Variants in PSMA1 observed in about 807,000 individuals in gnomAD.
PSMA1 encodes the protein proteasome subunit alpha type-1.
In PSMA1, 3 loss-of-function variants were observed where a neutral mutation model predicts 38.4. That is an observed-to-expected ratio of 0.08 (90% CI 0.04 to 0.20). The LOEUF (loss-of-function observed/expected upper bound fraction) is 0.20, where lower values mean the gene tolerates loss of function less well. PSMA1 is among the 10% of genes least tolerant of loss of function. The probability of loss-of-function intolerance (pLI) is 1.00; values close to 1 mark genes in which losing one functional copy is unlikely to be tolerated. For missense variants in PSMA1, 227 were observed against 325.3 expected, an observed-to-expected ratio of 0.70 and a Z score of 2.32; for synonymous variants, 101 against 107.1, an observed-to-expected ratio of 0.94 and a Z score of 0.35.
chr11:14,579,634 A>G (rs1438695097), intron 2 of PSMA1, among the ~76,000 whole-genome samples: 1 of 152,088 alleles, frequency 6.6e-6, no homozygotes, highest in Non-Finnish European at 1.5e-5. Flanking sequence ...TAGTATTTTA[A>G]TAACAACTAA....
At chr11:14,545,414 C>A (rs188746199) in intron 2 of PSMA1, among the ~76,000 whole-genome samples, 1 of 152,206 alleles carries the variant, frequency 6.6e-6, no homozygotes, top group Non-Finnish European at 1.5e-5. Flanking sequence ...AACCCATCAC[C>A]TAGGTACTAA....
At chr11:14,561,399 T>A (rs1852006462) in intron 2 of PSMA1, among the ~76,000 whole-genome samples, 2 of 152,220 alleles carry the variant, frequency 1.3e-5, no homozygotes, top group South Asian at 4.1e-4. Context: ...AACTCTCCTA[T>A]CCCAGTCTGT....
intron 1 of PSMA1, among the ~76,000 whole-genome samples, chr11:14,639,081 T>C (rs1267125761): frequency 6.6e-6 from 1 of 152,122 alleles, no homozygotes; most frequent in African/African-American, 2.4e-5. Flanking sequence ...CTCTGAAAAC[T>C]TGAAACGGAA....
chr11:14,640,949 T>C (rs1335153291), intron 1 of PSMA1, among the ~76,000 whole-genome samples: 1 of 152,100 alleles, frequency 6.6e-6, no homozygotes, highest in East Asian at 1.9e-4. Flanking sequence ...GCTTGCATTG[T>C]CCTAAAATGA....
At chr11:14,592,997 C>T (rs985088453) in intron 2 of PSMA1, among the ~76,000 whole-genome samples, 2 of 152,158 alleles carry the variant, frequency 1.3e-5, no homozygotes, top group African/African-American at 4.8e-5. Flanking sequence ...TTGTCTTCCT[C>T]CTCCCTCCTC....
intron 2 of PSMA1, among the ~76,000 whole-genome samples, chr11:14,567,367 A>T (rs903840380): frequency 6.6e-6 from 1 of 152,212 alleles, no homozygotes; most frequent in Non-Finnish European, 1.5e-5. Context: ...ATATCTACTT[A>T]TCTCTCAGAT....
chr11:14,625,842 C>G (rs547429785), intron 1 of PSMA1, among the ~76,000 whole-genome samples: 1 of 152,170 alleles, frequency 6.6e-6, no homozygotes, highest in African/African-American at 2.4e-5. Context: ...GTCACTTGCA[C>G]GTCTAATTCT....
chr11:14,611,266 G>A lies in PSMA1; in HGVS notation c.-165-115C>T, dbSNP rs1016369745. 9.5e-6 allele frequency: 4 copies of A among 423,180 alleles called. No homozygotes were observed. In the South Asian group the frequency reaches 1.3e-4, roughly 14 times the overall value. The allele number at this position is 423,180 out of a possible 1,614,324, so 26.2% of individuals were successfully genotyped here. ...TCTTCTCCTCTCCTGGGGGTAAGTAGATACAGGCCAGGAGAGTTACTCTAA... is the reference window on the plus strand; with the variant it reads ...TCTTCTCCTCTCCTGGGGGTAAGTAAATACAGGCCAGGAGAGTTACTCTAA... On this transcript the variant is annotated intron_variant, in intron 1 of 10. Transcript: ENST00000418988.
At chr11:14,521,083 T>G (rs1851520036), upstream of PSMA1, among the ~76,000 whole-genome samples, 1 of 140,932 alleles carries the variant, frequency 7.1e-6, no homozygotes, top group African/African-American at 2.6e-5. Flanking sequence ...ATGGACACTT[T>G]CTTTCGATTT....
intron 2 of PSMA1, among the ~76,000 whole-genome samples, chr11:14,574,074 A>T (rs1459410195): frequency 6.6e-6 from 1 of 152,216 alleles, no homozygotes; most frequent in East Asian, 1.9e-4. Flanking sequence ...AGCAGAGTAT[A>T]AAAGTTTGGA....
intron 1 of PSMA1, among the ~76,000 whole-genome samples, chr11:14,627,097 A>T (rs1223189808): frequency 1.3e-5 from 2 of 152,080 alleles, no homozygotes; most frequent in African/African-American, 4.8e-5. Flanking sequence ...ATAAGGACAT[A>T]AGTCATATTG....
chr11:14,610,211 T>C (rs1333552976), intron 2 of PSMA1, among the ~76,000 whole-genome samples: 1 of 152,216 alleles, frequency 6.6e-6, no homozygotes, highest in Non-Finnish European at 1.5e-5. Context: ...AATCTTCACA[T>C]GATGGCAGCC....
chr11:14,615,023 A>G (rs1322519390), intron 1 of PSMA1, among the ~76,000 whole-genome samples: 1 of 152,134 alleles, frequency 6.6e-6, no homozygotes, highest in Admixed American at 6.5e-5. Flanking sequence ...TTCTTTTCAG[A>G]CCCATCTCTC....
At chr11:14,576,672 G>A (rs1315528024) in intron 2 of PSMA1, among the ~76,000 whole-genome samples, 2 of 152,130 alleles carry the variant, frequency 1.3e-5, no homozygotes, top group Admixed American at 1.3e-4. Context: ...ATGCTGTTTT[G>A]TTTACTGTAG....
intron 2 of PSMA1, among the ~76,000 whole-genome samples, chr11:14,527,069 A>G (rs974314914): frequency 6.6e-6 from 1 of 152,112 alleles, no homozygotes; most frequent in African/African-American, 2.4e-5. Flanking sequence ...TTTCCTCACT[A>G]CACAAGGTCC....
At chr11:14,569,014 G>T (rs1852105739) in intron 2 of PSMA1, among the ~76,000 whole-genome samples, 1 of 152,168 alleles carries the variant, frequency 6.6e-6, no homozygotes, top group Admixed American at 6.5e-5. Context: ...GATGAGAGGG[G>T]CTGCTGCAAA....
chr11:14,561,425 G>A (rs1441978268), intron 2 of PSMA1, among the ~76,000 whole-genome samples: 1 of 152,138 alleles, frequency 6.6e-6, no homozygotes, highest in Non-Finnish European at 1.5e-5. Context: ...TCCTGTTCCT[G>A]GAATCTATTT....
chr11:14,506,397 T>C (rs1222736074), intron 9 of PSMA1, among the ~76,000 whole-genome samples: 1 of 152,150 alleles, frequency 6.6e-6, no homozygotes, highest in Non-Finnish European at 1.5e-5. Context: ...TGCTAGTTTT[T>C]ACCAAAAACA....
intron 2 of PSMA1, among the ~76,000 whole-genome samples, chr11:14,592,354 G>GTCTC (rs569894376): frequency 0.1 from 13,912 of 135,596 alleles, 930 homozygotes; most frequent in East Asian, 0.18. Context: ...CTCTGACACA[G>GTCTC]TCTCTCTCTC....
Sources: allele counts gnomAD v4.1 joint callset (sites outside exome capture counted in the v4.1 genomes callset), GRCh38; gene constraint gnomAD v4.1.1; transcripts MANE v1.5; gene names NCBI Gene and HGNC (gene_info 2026-07-23, HGNC 2026-07-21).